Variants in LYPLA1 observed in about 807,000 individuals in gnomAD.
The protein encoded by LYPLA1 is acyl-protein thioesterase 1.
A neutral mutation model predicts 34.0 loss-of-function variants in LYPLA1; 17 were observed. That is an observed-to-expected ratio of 0.50 (90% CI 0.34 to 0.75). The LOEUF (loss-of-function observed/expected upper bound fraction) is 0.75, where lower values mean the gene tolerates loss of function less well. Ranked by LOEUF, LYPLA1 falls within the 30% of genes least tolerant of loss-of-function variation. The pLI is 0.01. For synonymous variants in LYPLA1, 98 were observed against 100.8 expected, an observed-to-expected ratio of 0.97 and a Z score of 0.17; for missense variants, 203 against 288.8, an observed-to-expected ratio of 0.70 and a Z score of 2.15.
chr8:54,070,213 G>C (rs1323486956), intron 2 of LYPLA1, among the ~76,000 whole-genome samples: 1 of 152,218 alleles, frequency 6.6e-6, no homozygotes, highest in Admixed American at 6.5e-5. Context: ...TACTCGGGAG[G>C]CTGAGGCAGG....
chr8:54,075,077 C>G (rs562676452), intron 2 of LYPLA1, among the ~76,000 whole-genome samples: 1 of 152,302 alleles, frequency 6.6e-6, no homozygotes, highest in East Asian at 1.9e-4. Flanking sequence ...GAATCTCTCC[C>G]TAAAACAGCA....
chr8:54,070,102 G>A (rs1807353034), intron 2 of LYPLA1, among the ~76,000 whole-genome samples: 1 of 152,214 alleles, frequency 6.6e-6, no homozygotes, highest in African/African-American at 2.4e-5. Context: ...GGATAAATAT[G>A]AAGTTACCAT....
chr8:54,076,265 G>A (rs1398599507), intron 2 of LYPLA1, among the ~76,000 whole-genome samples: 1 of 151,320 alleles, frequency 6.6e-6, no homozygotes, highest in Non-Finnish European at 1.5e-5. Context: ...AAGCATCCCA[G>A]GCACACCTGA....
At chr8:54,083,918 AC>A (rs1808494219) in intron 2 of LYPLA1, among the ~76,000 whole-genome samples, 1 of 149,676 alleles carries the variant, frequency 6.7e-6, no homozygotes, top group Non-Finnish European at 1.5e-5. Context: ...TGGGCAGATC[AC>A]CTGAGGTCAG....
chr8:54,100,848 T>TA, intron 2 of LYPLA1, 60 bp downstream of exon 2: 1 of 1,382,830 alleles, frequency 7.2e-7, no homozygotes, highest in East Asian at 2.3e-5. Context: ...TTTGAACGCG[T>TA]AAACAAAAGT....
At chr8:54,045,794 C>G (rs886414315), downstream of LYPLA1, among the ~76,000 whole-genome samples, 3 of 152,240 alleles carry the variant, frequency 2.0e-5, no homozygotes, top group Admixed American at 2.0e-4. Context: ...GGCACAGTGG[C>G]TCACGCCTAT....
At chr8:54,062,485 CTCACTATT>C (rs1163023254) in intron 4 of LYPLA1, among the ~76,000 whole-genome samples, 161 bp from the exon 5 acceptor site, 1 of 140,056 alleles carries the variant, frequency 7.1e-6, no homozygotes, top group African/African-American at 2.6e-5. Flanking sequence ...GAGACGAAGT[CTCACTATT>C]TATTTATTTA....
intron 2 of LYPLA1, among the ~76,000 whole-genome samples, chr8:54,072,632 AAAATC>A (rs1438765391): frequency 6.6e-6 from 1 of 152,108 alleles, no homozygotes; most frequent in Non-Finnish European, 1.5e-5. Context: ...TAAAAAAAAA[AAAATC>A]AAACAACCCC....
chr8:54,057,567 A>G (rs922643361), intron 5 of LYPLA1, among the ~76,000 whole-genome samples: 6 of 152,242 alleles, frequency 3.9e-5, no homozygotes, highest in African/African-American at 1.4e-4. Context: ...AGACACAGAA[A>G]GACAAACATT....
At chr8:54,064,513 G>C (rs1343832553) in intron 3 of LYPLA1, among the ~76,000 whole-genome samples, 1 of 152,226 alleles carries the variant, frequency 6.6e-6, no homozygotes, top group Non-Finnish European at 1.5e-5. Flanking sequence ...CTGTAGCCTA[G>C]AGGTAAGACA....
At chr8:54,055,644 TA>T (rs1213908430) in intron 5 of LYPLA1, among the ~76,000 whole-genome samples, 35 of 143,938 alleles carry the variant, frequency 2.4e-4, no homozygotes, top group African/African-American at 4.7e-4. Context: ...CAATCCTAAT[TA>T]TTTTTTTTTT....
Position 54,047,954 on chromosome 8 carries a change from A to G in LYPLA1, c.*111T>C. The G allele has an allele frequency of 1.4e-6, 1 of 693,786 alleles. No homozygotes were observed. 43.0% of individuals were successfully genotyped at this position (693,786 alleles called of 1,614,324 possible). A position where few individuals can be genotyped will look rare whatever the true frequency, so the allele number is the denominator to read the frequency against. On this transcript the variant is annotated 3_prime_UTR_variant, in exon 9 of 9. Transcript: ENST00000316963. Reference sequence around the variant, plus strand: ...TCTGTGTTATTGGCATGTATTTGCAAAACATTTTAACACTGCAAAACATTA... The same window carrying G: ...TCTGTGTTATTGGCATGTATTTGCAGAACATTTTAACACTGCAAAACATTA...
rs1390622395 is a variant in LYPLA1 at position 54,047,405 on chromosome 8, T to C, written c.*660A>G. On this transcript the variant is annotated 3_prime_UTR_variant, in exon 9 of 9. Coordinates refer to ENST00000316963, the MANE Select transcript of LYPLA1 (RefSeq NM_006330.4). Reference sequence around the variant, plus strand: ...GACAATAAAGAAAAAACAAACTTTTTTTTTTTTCTTGAGAGAAAAGAGTAT... The same window carrying C: ...GACAATAAAGAAAAAACAAACTTTTCTTTTTTTCTTGAGAGAAAAGAGTAT... 1 of 152,102 alleles carries C rather than the reference T, an allele frequency of 6.6e-6. No homozygotes were observed. The highest frequency in any genetic ancestry group is 1.5e-5 in the Non-Finnish European group (1 of 67,978). The allele number at this position is 152,102 out of a possible 1,614,324, so 9.4% of individuals were successfully genotyped here. A position where few individuals can be genotyped will look rare whatever the true frequency, so the allele number is the denominator to read the frequency against.
intron 2 of LYPLA1, among the ~76,000 whole-genome samples, chr8:54,087,708 T>C (rs191066706): frequency 9.8e-5 from 15 of 152,334 alleles, no homozygotes; most frequent in Admixed American, 3.3e-4. Flanking sequence ...GCAAAGGATC[T>C]GAACAGATAT....
At chr8:54,056,055 T>C (rs991190448) in intron 5 of LYPLA1, among the ~76,000 whole-genome samples, 3 of 152,146 alleles carry the variant, frequency 2.0e-5, no homozygotes, top group East Asian at 1.9e-4. Context: ...TACAGAGCTA[T>C]AGTAACCAAA....
intron 1 of LYPLA1, chr8:54,101,226 T>C (rs1810117387): frequency 1.5e-6 from 1 of 649,870 alleles, no homozygotes; most frequent in African/African-American, 1.9e-5. Flanking sequence ...TTTATCTCTT[T>C]CAAGTGAAAT....
intron 2 of LYPLA1, among the ~76,000 whole-genome samples, chr8:54,086,440 A>T (rs1808778582): frequency 4.7e-5 from 3 of 64,470 alleles, no homozygotes; most frequent in African/African-American, 3.3e-4. Context: ...AAAAAAATTA[A>T]AAAAAAAAAA....
intron 2 of LYPLA1, among the ~76,000 whole-genome samples, chr8:54,069,559 T>C (rs1017551530): frequency 1.3e-5 from 2 of 151,776 alleles, no homozygotes; most frequent in African/African-American, 4.8e-5. Flanking sequence ...ACTAAATCTA[T>C]GAAAATTAGC....
intron 7 of LYPLA1, 89 bp downstream of exon 7, chr8:54,052,565 TA>T (rs570786185): frequency 1.4e-3 from 1,063 of 784,092 alleles, no homozygotes; most frequent in Admixed American, 1.8e-3. Context: ...AGTTTATTAA[TA>T]AAAAAAAATA....
Sources: allele counts gnomAD v4.1 joint callset (sites outside exome capture counted in the v4.1 genomes callset), GRCh38; gene constraint gnomAD v4.1.1; transcripts MANE v1.5; gene names NCBI Gene and HGNC (gene_info 2026-07-23, HGNC 2026-07-21).